The following KDM1A variants were observed in gnomAD, a reference collection of about 807,000 sequenced individuals.
KDM1A encodes the protein lysine-specific histone demethylase 1A.
In KDM1A, 49 loss-of-function variants were observed where a neutral mutation model predicts 109.4. That is an observed-to-expected ratio of 0.45 (90% CI 0.36 to 0.57). The LOEUF (loss-of-function observed/expected upper bound fraction) is 0.57. Among genes scored for constraint, KDM1A ranks in the 20% least tolerant of loss-of-function variants. The pLI is 0.00. For missense variants in KDM1A, 668 were observed against 1,116.6 expected, an observed-to-expected ratio of 0.60 and a Z score of 5.73; for synonymous variants, 380 against 415.4, an observed-to-expected ratio of 0.91 and a Z score of 1.04.
At position 23,057,532 on chromosome 1, in the gene KDM1A, G is replaced by T; in HGVS notation, c.1039G>T (p.Ala347Ser). ...CACATTTCGCAAAGGAAACTATGTA[G>T]CTGATCTTGGAGCCATGGTGGTAAC... Reference protein sequence around the residue: ...VATFRKGNYVADLGAMVVTGL... With the variant: ...VATFRKGNYVSDLGAMVVTGL... Residue 347 changes from alanine to serine, a missense_variant, in exon 8 of 21, where the codon GCT (alanine) becomes TCT (serine). Ala to Ser is a moderately conservative substitution (Grantham distance 99, BLOSUM62 1). Coordinates refer to ENST00000400181, the MANE Select transcript of KDM1A (RefSeq NM_001009999.3). 1 of 1,613,884 alleles carries T rather than the reference G, an allele frequency of 6.2e-7. No homozygotes were observed. The highest frequency in any genetic ancestry group is 8.5e-7 in the Non-Finnish European group (1 of 1,179,856).
intron 1 of KDM1A, among the ~76,000 whole-genome samples, chr1:23,027,175 T>A (rs1395833945): frequency 3.3e-5 from 5 of 152,058 alleles, no homozygotes; most frequent in Non-Finnish European, 7.4e-5. Context: ...AAGTTAAAAT[T>A]TATAACATTT....
intron 1 of KDM1A, among the ~76,000 whole-genome samples, chr1:23,022,213 T>G (rs554326499): frequency 3.3e-5 from 5 of 152,178 alleles, no homozygotes; most frequent in Admixed American, 1.3e-4. Flanking sequence ...TTATGTTAAT[T>G]CTAGGTTTTA....
intron 2 of KDM1A, among the ~76,000 whole-genome samples, chr1:23,043,909 T>G (rs1004606402): frequency 6.6e-6 from 1 of 152,258 alleles, no homozygotes; most frequent in Non-Finnish European, 1.5e-5. Context: ...TTAACTGTAC[T>G]AGTGTCTACT....
intron 3 of KDM1A, among the ~76,000 whole-genome samples, chr1:23,047,176 T>A (rs891485467): frequency 1.3e-5 from 2 of 152,212 alleles, no homozygotes; most frequent in African/African-American, 4.8e-5. Flanking sequence ...TTCTCAACAG[T>A]TTAGGTTACA....
chr1:23,049,847 T>C (rs986462468), intron 3 of KDM1A, among the ~76,000 whole-genome samples: 4 of 152,190 alleles, frequency 2.6e-5, no homozygotes, highest in Non-Finnish European at 4.4e-5. Flanking sequence ...CATTCTTCTG[T>C]CTTATTGTTG....
chr1:23,032,695 A>G (rs568046855), intron 2 of KDM1A, among the ~76,000 whole-genome samples: 12 of 152,258 alleles, frequency 7.9e-5, no homozygotes, highest in African/African-American at 2.9e-4. Flanking sequence ...AAAAGTGTCA[A>G]CTTACTAGCC....
At chr1:23,054,504 T>C (rs1474784523) in intron 5 of KDM1A, among the ~76,000 whole-genome samples, 2 of 152,206 alleles carry the variant, frequency 1.3e-5, no homozygotes, top group Admixed American at 6.5e-5. Flanking sequence ...GAGTGAGTGA[T>C]TGACAGTGTC....
At chr1:23,065,914 G>A in intron 9 of KDM1A, 146 bp from the exon 10 acceptor site, 1 of 1,161,746 alleles carries the variant, frequency 8.6e-7, no homozygotes, top group Admixed American at 3.2e-5. Context: ...TTCTCTGGTG[G>A]TTGCAGCTTC....
Position 23,019,579 on chromosome 1 carries a change from G to C in KDM1A, c.-18G>C. 2.9e-6 allele frequency: 4 copies of C among 1,397,406 alleles called. No homozygotes were observed. The highest frequency in any genetic ancestry group is 3.7e-6 in the Non-Finnish European group (4 of 1,084,526). The allele number at this position is 1,397,406 out of a possible 1,614,324, so 86.6% of individuals were successfully genotyped here. On this transcript the variant is annotated 5_prime_UTR_variant, in exon 1 of 21. Transcript: ENST00000400181. The stretch of plus-strand genomic sequence containing the variant: ...GAGCGAGCGGCCCCTACGGCCGTCG[G>C]CGGCCCGGCGGCCCGAGATGTTATC...
At chr1:23,065,390 C>T (rs1643132812) in intron 9 of KDM1A, among the ~76,000 whole-genome samples, 1 of 152,170 alleles carries the variant, frequency 6.6e-6, no homozygotes, top group East Asian at 1.9e-4. Flanking sequence ...TTAAAAAGCA[C>T]ATTTTGGTTT....
In KDM1A at chr1:23,079,442, G is replaced by T; in HGVS notation, c.2056-111G>T. On this transcript the variant is annotated intron_variant, in intron 17 of 20. Coordinates refer to ENST00000400181, the MANE Select transcript of KDM1A (RefSeq NM_001009999.3). The surrounding 1 kb of genome is among the most constrained non-coding windows in gnomAD (Gnocchi z 5.6). ...TCGTAAATGTCATCCTAAATAATAA[G>T]GATTGCTGGGCTTATTTTGAAAGCA... The T allele has an allele frequency of 1.2e-6, 1 of 828,366 alleles. No homozygotes were observed. Among genetic ancestry groups the T allele is most frequent in the East Asian group, 2.5e-5 (1 of 39,730 alleles). The allele number at this position is 828,366 out of a possible 1,614,324, so 51.3% of individuals were successfully genotyped here.
chr1:23,022,856 A>T (rs939798912), intron 1 of KDM1A, among the ~76,000 whole-genome samples: 14 of 146,894 alleles, frequency 9.5e-5, no homozygotes, highest in Admixed American at 2.0e-4. Flanking sequence ...ACAGGGTTTC[A>T]CCATGTTGGC....
At chr1:23,067,119 G>A (rs1400181020) in intron 10 of KDM1A, among the ~76,000 whole-genome samples, 1 of 152,114 alleles carries the variant, frequency 6.6e-6, no homozygotes, top group East Asian at 1.9e-4. Flanking sequence ...CTGATTCTCT[G>A]CCTCATTTAA....
chr1:23,077,157 T>C, intron 15 of KDM1A, 71 bp from the exon 16 acceptor site: 2 of 1,417,392 alleles, frequency 1.4e-6, no homozygotes, highest in Non-Finnish European at 1.9e-6. Flanking sequence ...TCATTGTTGT[T>C]GTACAGAACT....
chr1:23,026,452 C>T (rs1053633205), intron 1 of KDM1A, among the ~76,000 whole-genome samples: 2 of 150,564 alleles, frequency 1.3e-5, no homozygotes, highest in Non-Finnish European at 3.0e-5. Context: ...TGCAGTGGCC[C>T]GATCATGGCT....
intron 15 of KDM1A, among the ~76,000 whole-genome samples, chr1:23,076,168 C>T (rs527966386): frequency 6.6e-6 from 1 of 152,250 alleles, no homozygotes; most frequent in South Asian, 2.1e-4. Context: ...TGAGTGATTT[C>T]AGCTGAAGTA....
At chr1:23,025,588 C>G (rs987823898) in intron 1 of KDM1A, among the ~76,000 whole-genome samples, 1 of 152,026 alleles carries the variant, frequency 6.6e-6, no homozygotes, top group East Asian at 1.9e-4. Flanking sequence ...CCTCGGCCTC[C>G]CAAAGTGCTG....
In KDM1A at chr1:23,079,533, G is replaced by A; in HGVS notation, c.2056-20G>A. 5.0e-6 allele frequency: 8 copies of A among 1,595,290 alleles called. No individual in the cohort carries two copies. The highest frequency in any genetic ancestry group is 2.2e-5 in the South Asian group (2 of 89,824). On this transcript the variant is annotated intron_variant, in intron 17 of 20. Transcript: ENST00000400181. The surrounding 1 kb of genome is among the most constrained non-coding windows in gnomAD (Gnocchi z 5.6). Reference sequence around the variant, plus strand: ...TATCTGGCCCCTGTCACTGGCTCATGTGCTTCTTTCTTATGGTAGGTGGTG... The same window carrying A: ...TATCTGGCCCCTGTCACTGGCTCATATGCTTCTTTCTTATGGTAGGTGGTG...
chr1:23,019,866 G>T lies in KDM1A; in HGVS notation c.270G>T (p.Val90=), dbSNP rs753783714. The T allele has an allele frequency of 2.0e-5, 31 of 1,546,370 alleles. No homozygotes were observed. Among genetic ancestry groups the T allele is most frequent in the Non-Finnish European group, 2.4e-5 (28 of 1,149,906 alleles). Residue 90 remains valine, a synonymous_variant, in exon 1 of 21, where the codon GTG becomes GTT. Transcript: ENST00000400181. The part of the protein sequence containing the change: ...SAGPQAGPTV[V]PGSATPMETG... ...GGCCTCAGGCCGGCCCTACTGTCGT[G>T]CCTGGGTCTGCGACCCCCATGGAAA...
Sources: allele counts gnomAD v4.1 joint callset (sites outside exome capture counted in the v4.1 genomes callset), GRCh38; gene constraint gnomAD v4.1.1; non-coding constraint Gnocchi (gnomAD v3.1); transcripts MANE v1.5; gene names NCBI Gene and HGNC (gene_info 2026-07-23, HGNC 2026-07-21).